IMMP2L: variants seen among roughly 807,000 people sequenced by gnomAD.
The protein encoded by IMMP2L is inner mitochondrial membrane peptidase subunit 2, also known as mitochondrial inner membrane protease subunit 2.
IMMP2L carries 18 observed loss-of-function variants against 19.3 expected under a neutral mutation model. The ratio of observed to expected loss-of-function variants is 0.93; its 90% confidence interval spans 0.64 to 1.38. IMMP2L has a LOEUF of 1.38. Among genes scored for constraint, IMMP2L ranks in the 40% most tolerant of loss-of-function variants. The probability of loss-of-function intolerance (pLI) is 0.00; values close to 1 mark genes in which losing one functional copy is unlikely to be tolerated. For missense variants in IMMP2L, 233 were observed against 218.2 expected (o/e 1.07, Z -0.43); for synonymous variants, 76 against 73.0 (o/e 1.04, Z -0.21).
intron 3 of IMMP2L, among the ~76,000 whole-genome samples, chr7:111,325,393 G>T (rs987042217): frequency 2.0e-5 from 3 of 151,574 alleles, no homozygotes; most frequent in African/African-American, 7.3e-5. Context: ...AAGTACAAAT[G>T]TGAAAGCGCG....
intron 5 of IMMP2L, among the ~76,000 whole-genome samples, chr7:110,776,925 CT>C (rs1799429870): frequency 1.3e-5 from 2 of 151,966 alleles, no homozygotes; most frequent in African/African-American, 4.8e-5. Context: ...GTCTTCCCCA[CT>C]GATTTTGTGT....
At chr7:111,493,804 G>T (rs985795478) in intron 2 of IMMP2L, among the ~76,000 whole-genome samples, 25 of 150,926 alleles carry the variant, frequency 1.7e-4, no homozygotes, top group African/African-American at 6.1e-4. Flanking sequence ...TCAGGAGATC[G>T]AGATCATCCT....
intron 5 of IMMP2L, among the ~76,000 whole-genome samples, chr7:110,701,415 G>C (rs553796587): frequency 6.6e-6 from 1 of 151,852 alleles, no homozygotes; most frequent in African/African-American, 2.4e-5. Context: ...CATGACAAAA[G>C]AATTTTTTTT....
In IMMP2L at chr7:111,237,177, G is replaced by C. The variant is rs1814430962; in HGVS notation, c.239+250061C>G. Among the ~76,000 whole-genome samples the C allele has an allele frequency of 2.0e-5, 3 of 151,970 alleles. No individual in the cohort carries two copies. The South Asian group carries it at 6.2e-4, about 32-fold the overall frequency. On this transcript the variant is annotated intron_variant, in intron 3 of 5. Coordinates refer to ENST00000405709, the MANE Select transcript of IMMP2L (RefSeq NM_032549.4). Reference sequence around the variant, plus strand: ...AGATATAATGTCTCACACATAGAAGGCTCAAAATAAATACTAAATTCATAA... The same window carrying C: ...AGATATAATGTCTCACACATAGAAGCCTCAAAATAAATACTAAATTCATAA...
At chr7:111,126,673 A>T (rs1435000833) in intron 3 of IMMP2L, among the ~76,000 whole-genome samples, 1 of 152,158 alleles carries the variant, frequency 6.6e-6, no homozygotes, top group African/African-American at 2.4e-5. Flanking sequence ...AAAAAAGAGA[A>T]TTAAGATTTT....
chr7:111,329,337 A>C (rs1039029884), intron 3 of IMMP2L, among the ~76,000 whole-genome samples: 2 of 151,842 alleles, frequency 1.3e-5, no homozygotes, highest in Admixed American at 6.6e-5. Context: ...GAAAACAAGG[A>C]AACTCCAAAC....
chr7:111,267,076 T>C (rs1008489882), intron 3 of IMMP2L, among the ~76,000 whole-genome samples: 2 of 152,192 alleles, frequency 1.3e-5, no homozygotes, highest in African/African-American at 4.8e-5. Flanking sequence ...AAGTTTGGTC[T>C]GAGGATCACA....
intron 3 of IMMP2L, among the ~76,000 whole-genome samples, chr7:111,004,667 G>A (rs530712292): frequency 5.9e-5 from 9 of 152,072 alleles, no homozygotes; most frequent in Middle Eastern, 3.4e-3. Flanking sequence ...ATAAAATAGC[G>A]TCTTCAGTCA....
rs901617275 is a variant in IMMP2L at position 110,924,985 on chromosome 7, A to G, written c.306-38290T>C. On this transcript the variant is annotated intron_variant, in intron 4 of 5. Transcript: ENST00000405709. This position sits in a 1 kb window ranked among gnomAD's most constrained non-coding sequence, Gnocchi z 4.2. ...TACATCTAACCATTCATAGTTATGC[A>G]TGATAAGGGAATAAAAAGGAGTATG... Among the ~76,000 whole-genome samples the G allele has an allele frequency of 6.6e-6, 1 of 152,186 alleles. No homozygotes were observed. The highest frequency in any genetic ancestry group is 1.5e-5 in the Non-Finnish European group (1 of 68,032).
rs1038302353 is a variant in IMMP2L at position 111,529,713 on chromosome 7, C to G, written c.-2-8264G>C. 1.2e-4 allele frequency among the ~76,000 whole-genome samples: 18 copies of G among 152,140 alleles called. 1 individual carries two copies. Among genetic ancestry groups the G allele is most frequent in the African/African-American group, 4.1e-4 (17 of 41,424 alleles). ...AGTCAACACTGATACAATGATGAAG[C>G]TAAGCCCTATAAAATTGCTTCTTTC... On this transcript the variant is annotated intron_variant, in intron 1 of 5. Transcript: ENST00000405709.
chr7:111,409,936 G>C (rs1834249489), intron 3 of IMMP2L, among the ~76,000 whole-genome samples: 1 of 151,812 alleles, frequency 6.6e-6, no homozygotes, highest in African/African-American at 2.4e-5. Flanking sequence ...TGTGGTATAA[G>C]AATGGGGAAC....
At chr7:111,202,918 T>C (rs922126052) in intron 3 of IMMP2L, among the ~76,000 whole-genome samples, 12 of 152,118 alleles carry the variant, frequency 7.9e-5, no homozygotes, top group Non-Finnish European at 1.5e-5. Context: ...GACCACCATA[T>C]TGAGAGACCA....
At chr7:110,770,003 A>G (rs549042245) in intron 5 of IMMP2L, among the ~76,000 whole-genome samples, 2 of 152,274 alleles carry the variant, frequency 1.3e-5, no homozygotes, top group Non-Finnish European at 2.9e-5. Flanking sequence ...ATAGAAGCCA[A>G]TGAAGAGTCC....
chr7:110,866,005 ATC>A (rs1441401803), intron 5 of IMMP2L, among the ~76,000 whole-genome samples: 4 of 152,210 alleles, frequency 2.6e-5, no homozygotes, highest in Admixed American at 2.6e-4. Context: ...AGGCAAAAGT[ATC>A]TCTGAATAAC....
chr7:111,364,233 T>C (rs917792776), intron 3 of IMMP2L, among the ~76,000 whole-genome samples: 6 of 152,134 alleles, frequency 3.9e-5, no homozygotes, highest in African/African-American at 1.4e-4. Flanking sequence ...ATCATAAGAA[T>C]TGTAATAGCC....
intron 3 of IMMP2L, among the ~76,000 whole-genome samples, chr7:111,437,659 C>T (rs945913167): frequency 6.6e-6 from 1 of 151,798 alleles, no homozygotes; most frequent in Non-Finnish European, 1.5e-5. Context: ...CTAAACCAGC[C>T]ATCTGGCCGC....
chr7:111,115,792 C>T (rs941483397), intron 3 of IMMP2L, among the ~76,000 whole-genome samples: 1 of 152,038 alleles, frequency 6.6e-6, no homozygotes, highest in Admixed American at 6.6e-5. Context: ...CTCAGCCTCC[C>T]GAGTAGCTGG....
intron 4 of IMMP2L, among the ~76,000 whole-genome samples, chr7:110,948,901 T>G (rs1047796768): frequency 6.6e-6 from 1 of 152,100 alleles, no homozygotes; most frequent in African/African-American, 2.4e-5. Flanking sequence ...TGCAATTTCC[T>G]CTCTCTCCTA....
At chr7:110,851,796 A>G (rs1182943618) in intron 5 of IMMP2L, among the ~76,000 whole-genome samples, 8 of 152,162 alleles carry the variant, frequency 5.3e-5, no homozygotes, top group Admixed American at 1.3e-4. Context: ...TTATGCAGAA[A>G]TTAAAAATGA....
Sources: gnomAD v4.1 joint callset for allele counts (sites outside exome capture counted in the v4.1 genomes callset) on GRCh38, gnomAD v4.1.1 for gene constraint, Gnocchi (gnomAD v3.1) non-coding constraint, MANE v1.5 for transcripts, NCBI Gene and HGNC (gene_info 2026-07-23, HGNC 2026-07-21) for gene names.